TRABD2B: variants seen among roughly 807,000 people sequenced by gnomAD.
The protein encoded by TRABD2B is TraB domain containing 2B, also known as metalloprotease TIKI2.
TRABD2B carries 14 observed loss-of-function variants against 40.1 expected under a neutral mutation model. The ratio of observed to expected loss-of-function variants is 0.35; its 90% CI spans 0.23 to 0.55. The LOEUF (loss-of-function observed/expected upper bound fraction) is 0.55. Ranked by LOEUF, TRABD2B falls within the 20% of genes least tolerant of loss-of-function variation. The probability of loss-of-function intolerance (pLI) is 0.90; values close to 1 mark genes in which losing one functional copy is unlikely to be tolerated. For missense variants in TRABD2B, 541 were observed against 648.6 expected (o/e 0.83, Z 1.80); for synonymous variants, 263 against 277.0 (o/e 0.95, Z 0.50).
chr1:47,962,958 C>T (rs1193424187), intron 2 of TRABD2B, among the ~76,000 whole-genome samples: 15 of 152,198 alleles, frequency 9.9e-5, no homozygotes, highest in Admixed American at 4.6e-4. Flanking sequence ...GCTGCCCCGC[C>T]GTGAAACACA....
intron 2 of TRABD2B, among the ~76,000 whole-genome samples, chr1:47,822,146 ACG>A (rs1645119164): frequency 6.7e-5 from 2 of 29,722 alleles, no homozygotes; most frequent in Non-Finnish European, 1.9e-4. Flanking sequence ...ATGTGTGTAC[ACG>A]TACACACACA....
At chr1:47,925,251 T>C (rs1398490158) in intron 2 of TRABD2B, among the ~76,000 whole-genome samples, 1 of 152,104 alleles carries the variant, frequency 6.6e-6, no homozygotes, top group Non-Finnish European at 1.5e-5. Flanking sequence ...TTATAGAAAA[T>C]AGACTTTAAA....
At chr1:47,990,450 G>C (rs1645984067) in intron 2 of TRABD2B, among the ~76,000 whole-genome samples, 1 of 152,006 alleles carries the variant, frequency 6.6e-6, no homozygotes, top group Non-Finnish European at 1.5e-5. Context: ...CAAGGGCAGG[G>C]GCTCACCGCC....
intron 2 of TRABD2B, among the ~76,000 whole-genome samples, chr1:47,837,633 G>A (rs1208082739): frequency 6.6e-6 from 1 of 152,212 alleles, no homozygotes; most frequent in Non-Finnish European, 1.5e-5. Flanking sequence ...AGGGCGGAGA[G>A]AGAGACGAAC....
chr1:47,899,549 G>T (rs1284030069), intron 2 of TRABD2B, among the ~76,000 whole-genome samples: 1 of 152,234 alleles, frequency 6.6e-6, no homozygotes, highest in Non-Finnish European at 1.5e-5. Flanking sequence ...GTGGCACTCT[G>T]CCCATGAATC....
chr1:47,779,657 C>T (rs1327991330), intron 4 of TRABD2B, among the ~76,000 whole-genome samples: 1 of 152,022 alleles, frequency 6.6e-6, no homozygotes, highest in Non-Finnish European at 1.5e-5. Flanking sequence ...CCTCGGGGGC[C>T]TCAGTCTCCC....
chr1:47,784,659 T>TC (rs1356049489), intron 4 of TRABD2B, among the ~76,000 whole-genome samples: 1 of 152,000 alleles, frequency 6.6e-6, no homozygotes, highest in African/African-American at 2.4e-5. Context: ...TATGGCGGTG[T>TC]TTTTTTTCCT....
At chr1:47,988,338 G>T (rs986851973) in intron 2 of TRABD2B, among the ~76,000 whole-genome samples, 1 of 152,304 alleles carries the variant, frequency 6.6e-6, no homozygotes, top group East Asian at 1.9e-4. Context: ...ACCTCTCAGG[G>T]CATAAAAGCA....
intron 2 of TRABD2B, among the ~76,000 whole-genome samples, chr1:47,839,569 C>T (rs529590468): frequency 6.6e-6 from 1 of 152,190 alleles, no homozygotes; most frequent in Non-Finnish European, 1.5e-5. Context: ...CTCCAGCCTG[C>T]AGCCAGAGGG....
chr1:47,820,605 C>T (rs977865559), intron 2 of TRABD2B, among the ~76,000 whole-genome samples: 1 of 152,184 alleles, frequency 6.6e-6, no homozygotes, highest in African/African-American at 2.4e-5. Flanking sequence ...CATCCTTTCC[C>T]ACCCTGCTTT....
At chr1:47,923,107 TTCC>T in intron 2 of TRABD2B, among the ~76,000 whole-genome samples, 1 of 152,184 alleles carries the variant, frequency 6.6e-6, no homozygotes, top group East Asian at 1.9e-4. Flanking sequence ...GCCTGAAACC[TTCC>T]TCTTCACCAC....
At chr1:47,947,262 T>A (rs967936100) in intron 2 of TRABD2B, among the ~76,000 whole-genome samples, 1 of 152,196 alleles carries the variant, frequency 6.6e-6, no homozygotes, top group Non-Finnish European at 1.5e-5. Context: ...ATCTTTTATT[T>A]CTTGTCACTG....
intron 2 of TRABD2B, among the ~76,000 whole-genome samples, chr1:47,838,449 G>C (rs139360530): frequency 5.2e-4 from 79 of 152,274 alleles, no homozygotes; most frequent in Middle Eastern, 6.8e-3. Context: ...TCATGTCTGA[G>C]GTTCCTGCAG....
chr1:47,785,042 A>G (rs934447916), intron 4 of TRABD2B, among the ~76,000 whole-genome samples: 1 of 152,146 alleles, frequency 6.6e-6, no homozygotes, highest in Non-Finnish European at 1.5e-5. Context: ...AGAGAGGAGA[A>G]AGGGCATTCC....
chr1:47,851,329 T>C lies in TRABD2B; in HGVS notation c.667-49710A>G, dbSNP rs192394494. On this transcript the variant is annotated intron_variant, in intron 2 of 6. Coordinates refer to ENST00000606738, the MANE Select transcript of TRABD2B (RefSeq NM_001194986.2). ...CACATAAAATATAACAAATTATAAA[T>C]AATCAAAATGGGAAACCAGCCTTTT... 9.7e-4 allele frequency among the ~76,000 whole-genome samples: 147 copies of C among 151,656 alleles called. 2 individuals carry two copies. The highest frequency in any genetic ancestry group is 2.8e-3 in the African/African-American group (114 of 41,362).
intron 2 of TRABD2B, among the ~76,000 whole-genome samples, chr1:47,832,524 T>C (rs1645264831): frequency 6.6e-6 from 1 of 152,148 alleles, no homozygotes; most frequent in South Asian, 2.1e-4. Flanking sequence ...GGATAACTAA[T>C]AGGTACCAAA....
At chr1:47,835,490 A>T (rs985479764) in intron 2 of TRABD2B, among the ~76,000 whole-genome samples, 5 of 152,246 alleles carry the variant, frequency 3.3e-5, no homozygotes. Context: ...ATCATAATCA[A>T]GCTGTCAAAA....
At position 47,801,476 on chromosome 1, in the gene TRABD2B, G is replaced by A; in HGVS notation, c.810C>T (p.Ser270=). The A allele has an allele frequency of 6.5e-7, 1 of 1,535,890 alleles. No individual in the cohort carries two copies. The highest frequency in any genetic ancestry group is 8.7e-7 in the Non-Finnish European group (1 of 1,146,740). The change falls in exon 3 of 7, where the codon TCC becomes TCT. Residue 270 remains serine, a synonymous_variant. Transcript: ENST00000606738. Reference sequence around the variant, plus strand: ...GGTCTTTGGAGAGGAGCCTCACCTGGGATGTGTCGTGGTTGAAGATGACTG... The same window carrying A: ...GGTCTTTGGAGAGGAGCCTCACCTGAGATGTGTCGTGGTTGAAGATGACTG... ...LSAVIFNHDT[S]QLPNFINTTL...
intron 2 of TRABD2B, among the ~76,000 whole-genome samples, chr1:47,925,254 A>C (rs1432745064): frequency 1.3e-5 from 2 of 152,206 alleles, no homozygotes; most frequent in Non-Finnish European, 2.9e-5. Context: ...TAGAAAATAG[A>C]CTTTAAAAAC....
Sources: allele counts gnomAD v4.1 joint callset (sites outside exome capture counted in the v4.1 genomes callset), GRCh38; gene constraint gnomAD v4.1.1; transcripts MANE v1.5; gene names NCBI Gene and HGNC (gene_info 2026-07-23, HGNC 2026-07-21).